SHROOM3: variants seen among roughly 807,000 people sequenced by gnomAD.
SHROOM3 encodes shroom family member 3.
In SHROOM3, 47 loss-of-function variants were observed where a neutral mutation model predicts 138.6. The observed-to-expected ratio is 0.34, with a 90% CI of 0.27 to 0.43. The LOEUF is 0.43. Ranked by LOEUF, SHROOM3 falls within the 20% of genes least tolerant of loss-of-function variation. The pLI is 1.00. For synonymous variants in SHROOM3, 1,062 were observed against 1,063.3 expected (o/e 1.00, Z 0.02); for missense variants, 2,491 against 2,596.5 (o/e 0.96, Z 0.88).
At chr4:76,651,401 A>ATAT (rs1735955382) in intron 2 of SHROOM3, among the ~76,000 whole-genome samples, 62 of 86,746 alleles carry the variant, frequency 7.1e-4, no homozygotes, top group Non-Finnish European at 1.1e-3. Flanking sequence ...GTAACCCATA[A>ATAT]ATATATATAT....
chr4:76,628,294 T>C (rs1354977672), intron 2 of SHROOM3, among the ~76,000 whole-genome samples: 1 of 152,212 alleles, frequency 6.6e-6, no homozygotes, highest in Non-Finnish European at 1.5e-5. Context: ...TCACTAGATT[T>C]TTCCCTGTTT....
chr4:76,740,793 A>G lies in SHROOM3; in HGVS notation c.2620A>G (p.Ser874Gly), dbSNP rs1159395948. ...GCAGCTGAGCGGAGGAGCGTCGGAC[A>G]GCGGCCGTGGCCCCCAGAGGCCGGA... ...GQQLSGGASD[S>G]GRGPQRPDAR... Residue 874 changes from serine to glycine, a missense_variant, in exon 5 of 11, where the codon AGC becomes GGC. Ser to Gly is a moderately conservative substitution (Grantham distance 56). Around this residue, in one of 4 missense-constraint regions of SHROOM3, gnomAD observed 1,733 missense variants for 1,661.6 expected, o/e 1.04. Transcript: ENST00000296043. The surrounding 1 kb of genome is among the most constrained non-coding windows in gnomAD (Gnocchi z 4.0). 6.2e-7 allele frequency: 1 copy of G among 1,610,886 alleles called. No homozygotes were observed. Among genetic ancestry groups the G allele is most frequent in the African/African-American group, 1.3e-5 (1 of 75,006 alleles).
rs1244081218 is a variant in SHROOM3 at position 76,740,417 on chromosome 4, C to T, written c.2244C>T (p.Pro748=). The T allele has an allele frequency of 6.2e-7, 1 of 1,613,114 alleles. No individual in the cohort carries two copies. Residue 748 remains proline (P), a synonymous_variant, in exon 5 of 11, where the codon CCC becomes CCT. Coordinates refer to ENST00000296043, the MANE Select transcript of SHROOM3 (RefSeq NM_020859.4). The surrounding 1 kb of genome is among the most constrained non-coding windows in gnomAD (Gnocchi z 4.0). ...CAAGTCCCGAAGAGCCGCCTGCCCCCTCGCACCCGCACACATCCAGTCTGG... is the reference window on the plus strand; with the variant it reads ...CAAGTCCCGAAGAGCCGCCTGCCCCTTCGCACCCGCACACATCCAGTCTGG... ...TDPSPEEPPA[P]SHPHTSSLGR...
At chr4:76,654,102 A>G (rs898194893) in intron 2 of SHROOM3, among the ~76,000 whole-genome samples, 15 of 152,220 alleles carry the variant, frequency 9.9e-5, no homozygotes, top group African/African-American at 3.6e-4. Context: ...GGAGGCGTCA[A>G]GAAAAGCTTT....
At chr4:76,524,633 C>G (rs551165970) in intron 1 of SHROOM3, among the ~76,000 whole-genome samples, 2 of 152,170 alleles carry the variant, frequency 1.3e-5, no homozygotes, top group East Asian at 1.9e-4. Context: ...CACCATCAAC[C>G]CTTACAAGGG....
chr4:76,492,358 T>G (rs1402305210), intron 1 of SHROOM3, among the ~76,000 whole-genome samples: 1 of 152,220 alleles, frequency 6.6e-6, no homozygotes, highest in East Asian at 1.9e-4. Flanking sequence ...AAGGGCTGAA[T>G]GACTGGTTGA....
intron 1 of SHROOM3, among the ~76,000 whole-genome samples, chr4:76,499,231 G>T (rs1395429955): frequency 6.6e-6 from 1 of 152,194 alleles, no homozygotes; most frequent in Non-Finnish European, 1.5e-5. Flanking sequence ...TCATAGCTCT[G>T]CCACTTCCTA....
At chr4:76,613,576 C>T (rs1734808622) in intron 2 of SHROOM3, among the ~76,000 whole-genome samples, 2 of 152,172 alleles carry the variant, frequency 1.3e-5, no homozygotes, top group South Asian at 4.1e-4. Context: ...TACAGATGTG[C>T]AGTTCGGCAT....
chr4:76,463,833 C>T (rs1025408953), intron 1 of SHROOM3, among the ~76,000 whole-genome samples: 1 of 152,218 alleles, frequency 6.6e-6, no homozygotes, highest in African/African-American at 2.4e-5. Flanking sequence ...GGTGTTTGGC[C>T]TGTGGGTGCA....
chr4:76,522,775 G>A (rs1732593270), intron 1 of SHROOM3, among the ~76,000 whole-genome samples: 1 of 152,102 alleles, frequency 6.6e-6, no homozygotes, highest in South Asian at 2.1e-4. Context: ...GCAACAAAGT[G>A]AGACTCTGTC....
At chr4:76,491,267 T>C (rs1226843783) in intron 1 of SHROOM3, among the ~76,000 whole-genome samples, 3 of 152,212 alleles carry the variant, frequency 2.0e-5, no homozygotes, top group Non-Finnish European at 4.4e-5. Flanking sequence ...GTTAGAATGC[T>C]TGTGCCATGA....
intron 5 of SHROOM3, among the ~76,000 whole-genome samples, chr4:76,748,373 T>G (rs574231029): frequency 6.6e-6 from 1 of 152,300 alleles, no homozygotes; most frequent in South Asian, 2.1e-4. Flanking sequence ...ATCTTCATCA[T>G]GGACCTGATC....
chr4:76,487,709 G>A (rs1258094351), intron 1 of SHROOM3, among the ~76,000 whole-genome samples: 1 of 149,842 alleles, frequency 6.7e-6, no homozygotes, highest in Non-Finnish European at 1.5e-5. Context: ...AATTCACTCT[G>A]ATTTATTATT....
At chr4:76,472,984 C>G (rs756389461) in intron 1 of SHROOM3, among the ~76,000 whole-genome samples, 8 of 152,192 alleles carry the variant, frequency 5.3e-5, no homozygotes, top group African/African-American at 1.9e-4. Context: ...TGAGCCACCA[C>G]GGCCGGCCAG....
At chr4:76,584,334 AG>A (rs1325592381) in intron 2 of SHROOM3, among the ~76,000 whole-genome samples, 3 of 151,988 alleles carry the variant, frequency 2.0e-5, no homozygotes, top group Admixed American at 6.5e-5. Flanking sequence ...AAAAAAAAAA[AG>A]AGTCACATAG....
At chr4:76,701,771 T>C (rs1719907078) in intron 2 of SHROOM3, among the ~76,000 whole-genome samples, 1 of 152,174 alleles carries the variant, frequency 6.6e-6, no homozygotes, top group African/African-American at 2.4e-5. Context: ...TTTTCAGCAG[T>C]TATTGGAGCT....
At chr4:76,763,432 G>A (rs750632590) in intron 9 of SHROOM3, among the ~76,000 whole-genome samples, 2 of 152,018 alleles carry the variant, frequency 1.3e-5, no homozygotes, top group Non-Finnish European at 2.9e-5. Context: ...GAGCATGGTG[G>A]CACACACCTG....
chr4:76,502,173 T>A (rs1732111870), intron 1 of SHROOM3, among the ~76,000 whole-genome samples: 1 of 152,150 alleles, frequency 6.6e-6, no homozygotes, highest in Non-Finnish European at 1.5e-5. Context: ...GTCCCCGCCA[T>A]CAAGAAAGCC....
At position 76,608,713 on chromosome 4, in the gene SHROOM3, CAGCACAGCACAGCACAGCAT is replaced by C. The variant is rs1221247372; in HGVS notation, c.323+52955_323+52974del. ...CAGCACAGCACAGCACAGCACAGCACAGCACAGCACAGCACAGCATAGCATAGCATAGCACAGTGTCAGGT... is the reference window on the plus strand; with the variant it reads ...CAGCACAGCACAGCACAGCACAGCACAGCATAGCATAGCACAGTGTCAGGT... On this transcript the variant is annotated intron_variant, in intron 2 of 10. Transcript: ENST00000296043. Among the ~76,000 whole-genome samples, 547 of 97,634 alleles carry C rather than the reference CAGCACAGCACAGCACAGCAT, an allele frequency of 5.6e-3. 31 individuals are homozygous for C. The highest frequency in any genetic ancestry group is 0.012 in the East Asian group (35 of 2,962). 64.1% of individuals were successfully genotyped at this position (97,634 alleles called of 152,430 possible).
Sources: allele counts gnomAD v4.1 joint callset (sites outside exome capture counted in the v4.1 genomes callset), GRCh38; gene constraint gnomAD v4.1.1; regional missense constraint gnomAD v4.1.1; non-coding constraint Gnocchi (gnomAD v3.1); transcripts MANE v1.5; gene names NCBI Gene and HGNC (gene_info 2026-07-23, HGNC 2026-07-21).